The following PUDP variants were observed in gnomAD, a reference collection of about 807,000 sequenced individuals.
The protein encoded by PUDP is pseudouridine 5'-phosphatase, also known as pseudouridine-5'-phosphatase.
Under a neutral mutation model 9.4 loss-of-function variants are expected in PUDP, and 8 were observed. The observed-to-expected ratio is 0.85, with a 90% CI of 0.50 to 1.53. PUDP has a LOEUF of 1.53. Ranked by LOEUF, PUDP falls within the 40% of genes most tolerant of loss-of-function variation. PUDP has a pLI of 0.00. For missense variants in PUDP, 188 were observed against 189.7 expected (o/e 0.99, Z 0.05); for synonymous variants, 99 against 80.7 (o/e 1.23, Z -1.22).
chrX:6,989,723 A>C, intron 1 of PUDP: 1 of 113,674 alleles, frequency 8.8e-6, no homozygotes. Flanking sequence ...ATGGCCAGCC[A>C]CTTTGACAGG....
intron 1 of PUDP, among the ~76,000 whole-genome samples, chrX:7,128,625 A>G (rs1218762553): frequency 9.0e-6 from 1 of 111,286 alleles, no homozygotes; most frequent in Non-Finnish European, 1.9e-5. Flanking sequence ...CTGGTACCCA[A>G]ACACTTTCCC....
chrX:7,075,279 G>T (rs1247083264), intron 3 of PUDP, among the ~76,000 whole-genome samples: 1 of 111,981 alleles, frequency 8.9e-6, no homozygotes, highest in Non-Finnish European at 1.9e-5. Flanking sequence ...GGCTGAGGCG[G>T]GTGGATCACG....
At chrX:6,893,151 C>G in intron 3 of PUDP, among the ~76,000 whole-genome samples, 1 of 112,136 alleles carries the variant, frequency 8.9e-6, no homozygotes, top group East Asian at 2.8e-4. Context: ...AAATTATTAT[C>G]AAAGGTAAAT....
chrX:6,922,402 TTTAAA>T (rs1928038958), intron 3 of PUDP, among the ~76,000 whole-genome samples: 1 of 111,431 alleles, frequency 9.0e-6, no homozygotes, highest in African/African-American at 3.3e-5. Context: ...ACAAAAATTT[TTTAAA>T]TTAAAAAATA....
chrX:6,931,870 C>T (rs1166408439), intron 3 of PUDP, among the ~76,000 whole-genome samples: 1 of 111,253 alleles, frequency 9.0e-6, no homozygotes, highest in East Asian at 2.8e-4. Context: ...AAAAAACAAA[C>T]AAACAACAAC....
At chrX:6,819,086 C>T (rs1237829343) in intron 3 of PUDP, among the ~76,000 whole-genome samples, 1 of 111,184 alleles carries the variant, frequency 9.0e-6, no homozygotes, top group African/African-American at 3.3e-5. Context: ...CGGAGACCCC[C>T]AGAATTTTAA....
chrX:6,792,484 T>C (rs1925765063), intron 3 of PUDP, among the ~76,000 whole-genome samples: 1 of 109,364 alleles, frequency 9.1e-6, no homozygotes, highest in Admixed American at 1.0e-4. Context: ...AAAACCTAGT[T>C]GACCTTCCTC....
intron 3 of PUDP, among the ~76,000 whole-genome samples, chrX:6,972,323 A>G (rs760136542): frequency 2.0e-4 from 22 of 112,175 alleles, no homozygotes; most frequent in Non-Finnish European, 3.2e-4. Context: ...TTGCCCATTC[A>G]GTATGATATT....
intron 3 of PUDP, among the ~76,000 whole-genome samples, chrX:6,941,019 G>A (rs1328679981): frequency 8.9e-6 from 1 of 111,818 alleles, no homozygotes; most frequent in Non-Finnish European, 1.9e-5. Flanking sequence ...TTGTTGCAAT[G>A]GCCCTCCCTC....
intron 1 of PUDP, among the ~76,000 whole-genome samples, chrX:7,042,078 G>A (rs1184891538): frequency 1.9e-5 from 2 of 107,992 alleles, no homozygotes; most frequent in African/African-American, 6.8e-5. Flanking sequence ...TCTCTGGTTT[G>A]TCGGGGCCAC....
intron 3 of PUDP, among the ~76,000 whole-genome samples, chrX:7,054,183 C>T (rs1246007563): frequency 9.0e-6 from 1 of 111,438 alleles, no homozygotes; most frequent in Non-Finnish European, 1.9e-5. Flanking sequence ...CCGAGGTACG[C>T]GGATCACTTG....
chrX:6,909,542 G>T (rs1215775525), intron 3 of PUDP, among the ~76,000 whole-genome samples: 2 of 111,709 alleles, frequency 1.8e-5, no homozygotes, highest in Non-Finnish European at 3.8e-5. Context: ...AGCTTTTTTG[G>T]CACATAGCCA....
chrX:6,891,888 T>A (rs1042914846), intron 3 of PUDP, among the ~76,000 whole-genome samples: 17 of 111,401 alleles, frequency 1.5e-4, no homozygotes, highest in African/African-American at 5.5e-4. Context: ...ACTAACCGAG[T>A]CAACTTTCTC....
At chrX:7,036,987 A>G (rs1421170172) in intron 1 of PUDP, among the ~76,000 whole-genome samples, 2 of 112,044 alleles carry the variant, frequency 1.8e-5, no homozygotes, top group African/African-American at 3.2e-5. Flanking sequence ...GCGTTGTGGT[A>G]TACAATCTTT....
intron 3 of PUDP, among the ~76,000 whole-genome samples, chrX:6,786,175 A>G (rs1456841021): frequency 9.0e-6 from 1 of 111,721 alleles, no homozygotes; most frequent in Non-Finnish European, 1.9e-5. Context: ...TTCTTCAATA[A>G]CTATGAATCA....
intron 2 of PUDP, among the ~76,000 whole-genome samples, chrX:7,078,917 T>TA (rs2146868468): frequency 9.0e-6 from 1 of 110,856 alleles, no homozygotes; most frequent in South Asian, 3.8e-4. Flanking sequence ...AAGAAGCAAA[T>TA]ACCACCCACA....
At chrX:6,903,419 C>T (rs1927719745) in intron 3 of PUDP, among the ~76,000 whole-genome samples, 1 of 111,174 alleles carries the variant, frequency 9.0e-6, no homozygotes, top group South Asian at 3.8e-4. Flanking sequence ...GTACCTTTGA[C>T]CCAGCAATCC....
intron 1 of PUDP, among the ~76,000 whole-genome samples, chrX:7,005,449 GC>G (rs1199942517): frequency 9.1e-6 from 1 of 109,329 alleles, no homozygotes; most frequent in Non-Finnish European, 1.9e-5. Context: ...TGGCTCTGTT[GC>G]CCAGGCTGGA....
intron 3 of PUDP, among the ~76,000 whole-genome samples, chrX:6,966,536 C>T (rs1017269008): frequency 1.8e-4 from 17 of 96,784 alleles, no homozygotes; most frequent in Non-Finnish European, 2.9e-4. Context: ...TAGACTGGAT[C>T]GCCTTCATAT....
Sources: allele counts gnomAD v4.1 joint callset (sites outside exome capture counted in the v4.1 genomes callset), GRCh38; gene constraint gnomAD v4.1.1; transcripts MANE v1.5; gene names NCBI Gene and HGNC (gene_info 2026-07-23, HGNC 2026-07-21).